Variants in UBR3 observed in about 807,000 individuals in gnomAD.
UBR3 encodes ubiquitin protein ligase E3 component n-recognin 3, also known as E3 ubiquitin-protein ligase UBR3.
Under a neutral mutation model 243.2 loss-of-function variants are expected in UBR3, and 85 were observed. The ratio of observed to expected loss-of-function variants is 0.35; its 90% CI spans 0.29 to 0.42. The LOEUF (loss-of-function observed/expected upper bound fraction) is 0.42, where lower values mean the gene tolerates loss of function less well. Among genes scored for constraint, UBR3 ranks in the 10% least tolerant of loss-of-function variants. The pLI, the probability that UBR3 is intolerant of heterozygous loss-of-function variation, is 1.00. For synonymous variants in UBR3, 748 were observed against 799.8 expected (o/e 0.94, Z 1.09); for missense variants, 1,686 against 2,300.8 (o/e 0.73, Z 5.47).
chr2:169,903,346 T>G lies in UBR3; in HGVS notation c.1466-1768T>G, dbSNP rs2084900634. On this transcript the variant is annotated intron_variant, in intron 8 of 38. Transcript: ENST00000272793. ...ATTATATAGAACAGTGATTCTCAAT[T>G]TTTAACTTAAAAAAAATCCCAACAT... is the stretch of plus-strand genomic sequence containing the variant. 2.0e-5 allele frequency among the ~76,000 whole-genome samples: 3 copies of G among 152,206 alleles called. No homozygotes were observed. The South Asian group carries it at 6.2e-4, about 31-fold the overall frequency.
At chr2:169,938,599 CACTT>C (rs1480993028) in intron 19 of UBR3, among the ~76,000 whole-genome samples, 4 of 152,074 alleles carry the variant, frequency 2.6e-5, no homozygotes, top group Non-Finnish European at 4.4e-5. Flanking sequence ...TTGTCTTTTT[CACTT>C]ACTTGAAAGT....
At chr2:169,840,483 T>C (rs1017549698) in intron 1 of UBR3, among the ~76,000 whole-genome samples, 1 of 152,188 alleles carries the variant, frequency 6.6e-6, no homozygotes, top group Non-Finnish European at 1.5e-5. Flanking sequence ...CTCTCACCGG[T>C]TGGAATCAGG....
At chr2:169,996,126 GGAAC>G (rs2089468900) in intron 26 of UBR3, among the ~76,000 whole-genome samples, 1 of 152,124 alleles carries the variant, frequency 6.6e-6, no homozygotes, top group South Asian at 2.1e-4. Flanking sequence ...AGAATAAATA[GGAAC>G]TGACCTAGTG....
chr2:169,869,946 A>G (rs1248734182), intron 1 of UBR3, among the ~76,000 whole-genome samples: 1 of 151,818 alleles, frequency 6.6e-6, no homozygotes. Context: ...TATTTTTTCC[A>G]GTTTGTTACT....
intron 26 of UBR3, among the ~76,000 whole-genome samples, chr2:169,995,485 C>T (rs1412214441): frequency 3.9e-5 from 6 of 152,160 alleles, no homozygotes; most frequent in Non-Finnish European, 8.8e-5. Flanking sequence ...GAATTTAACT[C>T]TTGTTTATAT....
At chr2:169,869,344 C>T (rs2083365419) in intron 1 of UBR3, among the ~76,000 whole-genome samples, 1 of 151,048 alleles carries the variant, frequency 6.6e-6, no homozygotes. Flanking sequence ...GCCTCAGACT[C>T]CTGAGTAGCT....
At position 169,932,776 on chromosome 2, in the gene UBR3, T is replaced by C. The variant is rs985412222; in HGVS notation, c.2567-136T>C. ...AGAAAAGTAATCATGGCATCAAGCT[T>C]CTTAAGGCAAATACTATAATCAGAT... On this transcript the variant is annotated intron_variant, in intron 18 of 38. Coordinates refer to ENST00000272793, the MANE Select transcript of UBR3 (RefSeq NM_172070.4). 8.6e-6 allele frequency: 6 copies of C among 694,162 alleles called. No homozygotes were observed. In the Admixed American group the frequency reaches 1.5e-4, roughly 17 times the overall value. The allele number at this position is 694,162 out of a possible 1,614,324, so 43.0% of individuals were successfully genotyped here. A position where few individuals can be genotyped will look rare whatever the true frequency, so the allele number is the denominator to read the frequency against.
intron 36 of UBR3, among the ~76,000 whole-genome samples, chr2:170,076,540 C>G (rs2091814432): frequency 6.6e-6 from 1 of 152,106 alleles, no homozygotes; most frequent in African/African-American, 2.4e-5. Context: ...CCCAGATGGC[C>G]TGGAAAATTT....
chr2:169,846,737 A>G (rs988389467), intron 1 of UBR3, among the ~76,000 whole-genome samples: 1 of 151,650 alleles, frequency 6.6e-6, no homozygotes, highest in African/African-American at 2.4e-5. Context: ...ATCTTCTTTT[A>G]AAGTATTTTT....
chr2:169,887,309 G>A (rs544397581), intron 5 of UBR3, among the ~76,000 whole-genome samples: 16 of 152,208 alleles, frequency 1.1e-4, no homozygotes, highest in Non-Finnish European at 1.9e-4. Context: ...TGTCTGGGTT[G>A]AGATTGTATT....
chr2:169,976,791 T>G (rs942382256), intron 24 of UBR3, among the ~76,000 whole-genome samples: 1 of 152,174 alleles, frequency 6.6e-6, no homozygotes, highest in African/African-American at 2.4e-5. Flanking sequence ...GATCTAGATG[T>G]CCATATTTCT....
At chr2:169,860,899 G>A (rs1233879767) in intron 1 of UBR3, among the ~76,000 whole-genome samples, 4 of 152,144 alleles carry the variant, frequency 2.6e-5, no homozygotes, top group Admixed American at 1.3e-4. Context: ...TAGAGAAGCC[G>A]ACACTGCAGC....
intron 1 of UBR3, among the ~76,000 whole-genome samples, chr2:169,860,570 T>G (rs773407345): frequency 6.6e-6 from 1 of 151,904 alleles, no homozygotes; most frequent in Non-Finnish European, 1.5e-5. Flanking sequence ...TTTTCCTCAG[T>G]GTGAGTTTTT....
chr2:170,007,485 C>T (rs1011834957), intron 28 of UBR3, among the ~76,000 whole-genome samples: 1 of 152,134 alleles, frequency 6.6e-6, no homozygotes, highest in African/African-American at 2.4e-5. Context: ...AGGCCAGGCA[C>T]GGTGGCTCAC....
intron 24 of UBR3, among the ~76,000 whole-genome samples, chr2:169,959,997 T>A (rs1278255619): frequency 6.6e-6 from 1 of 152,066 alleles, no homozygotes; most frequent in African/African-American, 2.4e-5. Flanking sequence ...ACATCTGTAA[T>A]CCCAGCACTT....
intron 11 of UBR3, among the ~76,000 whole-genome samples, chr2:169,918,743 G>T (rs2085565359): frequency 6.6e-6 from 1 of 152,124 alleles, no homozygotes; most frequent in Non-Finnish European, 1.5e-5. Context: ...ATCATGTAGG[G>T]CAACAATTGT....
chr2:169,887,761 A>T lies in UBR3; in HGVS notation c.1039-3404A>T, dbSNP rs909883495. 4.0e-5 allele frequency among the ~76,000 whole-genome samples: 6 copies of T among 151,614 alleles called. No homozygotes were observed. In the East Asian group the frequency reaches 5.8e-4, roughly 15 times the overall value. On this transcript the variant is annotated intron_variant, in intron 5 of 38. Coordinates refer to ENST00000272793, the MANE Select transcript of UBR3 (RefSeq NM_172070.4). ...AACCTCTGACATTCTTTATTTTTAA[A>T]TTTTTTTCTTTTTCTTTCTTTCTTT...
chr2:169,938,903 C>A lies in UBR3; in HGVS notation c.2664-3590C>A, dbSNP rs536218809. Among the ~76,000 whole-genome samples the A allele has an allele frequency of 2.1e-3, 318 of 152,078 alleles. 1 individual carries two copies. The highest frequency in any genetic ancestry group is 5.2e-3 in the South Asian group (25 of 4,814). ...TGGTGTTCCTTTGAGTTTTAATAGACCTTGCCTGTTCAACAACCTGGGCCT... is the reference window on the plus strand; with the variant it reads ...TGGTGTTCCTTTGAGTTTTAATAGAACTTGCCTGTTCAACAACCTGGGCCT... On this transcript the variant is annotated intron_variant, in intron 19 of 38. Transcript: ENST00000272793.
At chr2:170,070,463 A>C (rs576071387) in intron 35 of UBR3, among the ~76,000 whole-genome samples, 2 of 152,256 alleles carry the variant, frequency 1.3e-5, no homozygotes, top group East Asian at 3.9e-4. Context: ...ACTTTTCAGC[A>C]TTGTACTAAA....
Sources: gnomAD v4.1 joint callset for allele counts (sites outside exome capture counted in the v4.1 genomes callset) on GRCh38, gnomAD v4.1.1 for gene constraint, MANE v1.5 for transcripts, NCBI Gene and HGNC (gene_info 2026-07-23, HGNC 2026-07-21) for gene names.